ANKS1B: variants seen among roughly 807,000 people sequenced by gnomAD.
The protein encoded by ANKS1B is ankyrin repeat and sterile alpha motif domain containing 1B, also known as ankyrin repeat and sterile alpha motif domain-containing protein 1B.
A neutral mutation model predicts 148.3 loss-of-function variants in ANKS1B; 36 were observed. The ratio of observed to expected loss-of-function variants is 0.24; its 90% CI spans 0.19 to 0.32. The LOEUF is 0.32. ANKS1B is among the 10% of genes least tolerant of loss of function. ANKS1B has a pLI of 1.00. For synonymous variants in ANKS1B, 542 were observed against 560.8 expected (o/e 0.97, Z 0.47); for missense variants, 1,157 against 1,542.6 (o/e 0.75, Z 4.19).
intron 8 of ANKS1B, among the ~76,000 whole-genome samples, chr12:99,670,327 T>C (rs1205228139): frequency 6.6e-6 from 1 of 152,148 alleles, no homozygotes; most frequent in Non-Finnish European, 1.5e-5. Flanking sequence ...AATAAATAGA[T>C]GGTCCTAGGA....
At position 99,491,347 on chromosome 12, in the gene ANKS1B, C is replaced by A. The variant is rs181742202; in HGVS notation, c.1438+13129G>T. Among the ~76,000 whole-genome samples the A allele has an allele frequency of 2.6e-5, 4 of 151,992 alleles. No individual in the cohort carries two copies. In the East Asian group the frequency reaches 5.8e-4, roughly 22 times the overall value. The stretch of plus-strand genomic sequence containing the variant: ...TAATTGTTAGTATGTGCTGAAATTA[C>A]ACAATTGTGAGTTCCAAGAGCTATA... On this transcript the variant is annotated intron_variant, in intron 10 of 26. Coordinates refer to ENST00000683438, the MANE Select transcript of ANKS1B (RefSeq NM_001352186.2).
chr12:99,744,715 G>A (rs1215472558), intron 8 of ANKS1B, among the ~76,000 whole-genome samples: 1 of 152,226 alleles, frequency 6.6e-6, no homozygotes, highest in Non-Finnish European at 1.5e-5. Context: ...CTTCAGGCCA[G>A]GTGCGGTGGC....
rs528051863 is a variant in ANKS1B, at chr12:98,828,452, T to C, written c.3066+722A>G. On this transcript the variant is annotated intron_variant, in intron 19 of 26. Transcript: ENST00000683438. ...GAACCTAGAATGAGGATGAAAAGAG[T>C]TGATTCTGCCAATGGTTGACAACAA... 3.3e-5 allele frequency among the ~76,000 whole-genome samples: 5 copies of C among 152,168 alleles called. No individual in the cohort carries two copies. In the East Asian group the frequency reaches 9.6e-4, roughly 29 times the overall value.
chr12:99,644,562 T>C (rs1598720156), intron 9 of ANKS1B, among the ~76,000 whole-genome samples: 1 of 152,216 alleles, frequency 6.6e-6, no homozygotes, highest in East Asian at 1.9e-4. Flanking sequence ...CTTTACATCA[T>C]GCTCCTCAAA....
chr12:99,204,359 T>A (rs2082389905), intron 14 of ANKS1B, among the ~76,000 whole-genome samples: 1 of 152,312 alleles, frequency 6.6e-6, no homozygotes, highest in Non-Finnish European at 1.5e-5. Context: ...ACAAAACCTG[T>A]GGGAAACCAA....
chr12:99,085,179 T>C (rs2051217141), intron 15 of ANKS1B, 156 bp from the exon 16 acceptor site: 5 of 646,294 alleles, frequency 7.7e-6, no homozygotes, highest in African/African-American at 1.8e-5. Context: ...GCAGAGTCGG[T>C]CACCTTGTTA....
chr12:99,605,403 C>T lies in ANKS1B; in HGVS notation c.1272+49664G>A, dbSNP rs182570042. 1.8e-4 allele frequency among the ~76,000 whole-genome samples: 28 copies of T among 152,066 alleles called. No homozygotes were observed. In the East Asian group the frequency reaches 5.2e-3, roughly 28 times the overall value. On this transcript the variant is annotated intron_variant, in intron 9 of 26. Coordinates refer to ENST00000683438, the MANE Select transcript of ANKS1B (RefSeq NM_001352186.2). ...ATTATTGTTAACTACAATCATTCTA[C>T]TGTGCAATGGAATACTGGAAATTAT... is the stretch of plus-strand genomic sequence containing the variant.
At chr12:99,651,394 C>T (rs112213416) in intron 9 of ANKS1B, among the ~76,000 whole-genome samples, 238 of 152,058 alleles carry the variant, frequency 1.6e-3, no homozygotes, top group African/African-American at 3.9e-3. Flanking sequence ...TCATGTGGTA[C>T]GTAGCCCAGT....
chr12:99,487,615 T>TGG lies in ANKS1B; in HGVS notation c.1438+16859_1438+16860dup, dbSNP rs35369607. 7.5e-3 allele frequency among the ~76,000 whole-genome samples: 1,126 copies of TGG among 149,622 alleles called. 10 individuals carry two copies. Among genetic ancestry groups the TGG allele is most frequent in the Middle Eastern group, 0.014 (4 of 292 alleles). On this transcript the variant is annotated intron_variant, in intron 10 of 26. Coordinates refer to ENST00000683438, the MANE Select transcript of ANKS1B (RefSeq NM_001352186.2). ...TTAGTAATTTATAAGACATTCAATA[T>TGG]GGGGGGGGGACATTTTTCAAATATA...
At chr12:99,841,369 A>G (rs1215457234) in intron 1 of ANKS1B, among the ~76,000 whole-genome samples, 2 of 152,116 alleles carry the variant, frequency 1.3e-5, no homozygotes, top group East Asian at 3.9e-4. Flanking sequence ...CTGGAAGTAA[A>G]TTTATCTACT....
In ANKS1B at chr12:98,745,218, C is replaced by T. The variant is rs1245641034; in HGVS notation, c.*521G>A. On this transcript the variant is annotated 3_prime_UTR_variant, in exon 27 of 27. Transcript: ENST00000683438. Reference sequence around the variant, plus strand: ...ACAGAATCTCCTGGCAATCATATCACGGGAGTTGTTTTTGTCCTTTTGCAT... The same window carrying T: ...ACAGAATCTCCTGGCAATCATATCATGGGAGTTGTTTTTGTCCTTTTGCAT... 2.0e-6 allele frequency: 2 copies of T among 985,498 alleles called. No homozygotes were observed. Among genetic ancestry groups the T allele is most frequent in the Admixed American group, 6.2e-5 (1 of 16,248 alleles). The allele number at this position is 985,498 out of a possible 1,614,324, so 61.0% of individuals were successfully genotyped here. A position where few individuals can be genotyped will look rare whatever the true frequency, so the allele number is the denominator to read the frequency against.
At chr12:99,779,494 G>GT (rs1408002368) in intron 6 of ANKS1B, among the ~76,000 whole-genome samples, 5 of 152,108 alleles carry the variant, frequency 3.3e-5, no homozygotes, top group Non-Finnish European at 7.4e-5. Flanking sequence ...AGAAACCAAA[G>GT]TAGTAGCAAA....
At chr12:99,773,468 A>T (rs961498516) in intron 7 of ANKS1B, among the ~76,000 whole-genome samples, 2 of 152,174 alleles carry the variant, frequency 1.3e-5, no homozygotes, top group African/African-American at 4.8e-5. Flanking sequence ...AACGGTGCTG[A>T]GAAACTTCTT....
chr12:99,890,909 CAA>C (rs1324212013), intron 1 of ANKS1B, among the ~76,000 whole-genome samples: 7 of 151,896 alleles, frequency 4.6e-5, no homozygotes, highest in Non-Finnish European at 1.0e-4. Flanking sequence ...TTGAAAAAAA[CAA>C]AAGACAAAAG....
chr12:99,030,730 T>A (rs896668831), intron 17 of ANKS1B, among the ~76,000 whole-genome samples: 2 of 152,248 alleles, frequency 1.3e-5, no homozygotes, highest in African/African-American at 4.8e-5. Context: ...AGGAAATTCT[T>A]ACTCACCAGT....
At chr12:99,033,206 A>G (rs2099953380) in intron 17 of ANKS1B, among the ~76,000 whole-genome samples, 1 of 152,182 alleles carries the variant, frequency 6.6e-6, no homozygotes, top group Admixed American at 6.5e-5. Flanking sequence ...AAAGTCTCCT[A>G]AGTTATTCTT....
At chr12:99,780,162 T>C (rs1222617249) in intron 5 of ANKS1B, among the ~76,000 whole-genome samples, 190 bp from the exon 6 acceptor site, 1 of 152,104 alleles carries the variant, frequency 6.6e-6, no homozygotes, top group East Asian at 1.9e-4. Context: ...CACAAGATTT[T>C]AGCAAGAAAG....
chr12:99,231,712 A>G (rs1216169148), intron 14 of ANKS1B, among the ~76,000 whole-genome samples: 1 of 152,044 alleles, frequency 6.6e-6, no homozygotes, highest in African/African-American at 2.4e-5. Context: ...GAGGATAGCT[A>G]TCAGCTGCAC....
At chr12:99,244,494 G>A in intron 13 of ANKS1B, 80 bp from the exon 14 acceptor site, 1 of 949,742 alleles carries the variant, frequency 1.1e-6, no homozygotes, top group Non-Finnish European at 1.5e-6. Context: ...TCAAATGAAG[G>A]GAGCAAATAT....
Sources: gnomAD v4.1 joint callset for allele counts (sites outside exome capture counted in the v4.1 genomes callset) on GRCh38, gnomAD v4.1.1 for gene constraint, MANE v1.5 for transcripts, NCBI Gene and HGNC (gene_info 2026-07-23, HGNC 2026-07-21) for gene names.